HPSE2: variants seen among roughly 807,000 people sequenced by gnomAD.
HPSE2 encodes inactive heparanase-2.
HPSE2 carries 38 observed loss-of-function variants against 60.5 expected under a neutral mutation model. The ratio of observed to expected loss-of-function variants is 0.63; its 90% CI spans 0.48 to 0.82. The LOEUF (loss-of-function observed/expected upper bound fraction) is 0.82. Among genes scored for constraint, HPSE2 ranks in the 40% least tolerant of loss-of-function variants. The probability of loss-of-function intolerance (pLI) is 0.00; values close to 1 mark genes in which losing one functional copy is unlikely to be tolerated. For missense variants in HPSE2, 713 were observed against 740.4 expected (o/e 0.96, Z 0.43); for synonymous variants, 295 against 293.2 (o/e 1.01, Z -0.06).
intron 3 of HPSE2, among the ~76,000 whole-genome samples, chr10:98,775,324 G>A (rs1194927176): frequency 6.6e-6 from 1 of 152,168 alleles, no homozygotes; most frequent in Non-Finnish European, 1.5e-5. Context: ...ACCAAGTAAT[G>A]ATGGAGGAGG....
chr10:99,190,007 T>C (rs1028302087), intron 2 of HPSE2, among the ~76,000 whole-genome samples: 2 of 152,294 alleles, frequency 1.3e-5, no homozygotes, highest in South Asian at 4.1e-4. Flanking sequence ...TTAATGAATC[T>C]CCACTGTCTT....
chr10:99,169,861 T>C (rs1181401535), intron 2 of HPSE2, among the ~76,000 whole-genome samples: 1 of 152,190 alleles, frequency 6.6e-6, no homozygotes, highest in Non-Finnish European at 1.5e-5. Flanking sequence ...TTGTGGGTCA[T>C]ACAATCTCTT....
chr10:98,728,654 T>C (rs1343435273), intron 4 of HPSE2, among the ~76,000 whole-genome samples: 1 of 152,036 alleles, frequency 6.6e-6, no homozygotes, highest in Admixed American at 6.6e-5. Flanking sequence ...ATTAAGTTAG[T>C]ATTACTTGAA....
At chr10:98,934,592 T>C (rs1398345096) in intron 3 of HPSE2, among the ~76,000 whole-genome samples, 1 of 144,430 alleles carries the variant, frequency 6.9e-6, no homozygotes, top group Non-Finnish European at 1.5e-5. Context: ...TTTAACAATG[T>C]TGAACATTGG....
At chr10:99,085,358 C>A (rs1275185016) in intron 3 of HPSE2, among the ~76,000 whole-genome samples, 3 of 152,214 alleles carry the variant, frequency 2.0e-5, no homozygotes, top group Non-Finnish European at 1.5e-5. Flanking sequence ...TGTCCCAGCA[C>A]CATAGTGTGC....
Position 99,165,428 on chromosome 10 carries a change from C to T in HPSE2, c.449-21029G>A, listed in dbSNP as rs996430083. On this transcript the variant is annotated intron_variant, in intron 2 of 11. Transcript: ENST00000370552. Reference sequence around the variant, plus strand: ...CAGATCTGTAGTCTGCCTTACGTTCCCCCAATATCCTGGTTGTTTCTTAAA... The same window carrying T: ...CAGATCTGTAGTCTGCCTTACGTTCTCCCAATATCCTGGTTGTTTCTTAAA... Among the ~76,000 whole-genome samples the T allele has an allele frequency of 6.6e-5, 10 of 152,192 alleles. No individual in the cohort carries two copies. In the South Asian group the frequency reaches 2.1e-3, roughly 32 times the overall value.
chr10:99,124,569 G>C (rs938981660), intron 3 of HPSE2, among the ~76,000 whole-genome samples: 3 of 152,204 alleles, frequency 2.0e-5, no homozygotes, highest in Non-Finnish European at 1.5e-5. Flanking sequence ...TCCAGAGGGG[G>C]CCAAGGCAGC....
rs778121647 is a variant in HPSE2 at position 99,235,745 on chromosome 10, CG to C, written c.57del (p.Ala20ArgfsTer3). 7 of 1,613,422 alleles carry C rather than the reference CG, an allele frequency of 4.3e-6. No homozygotes were observed. Among genetic ancestry groups the C allele is most frequent in the African/African-American group, 2.7e-5 (2 of 74,800 alleles). ...EAMPSSNSRP[P>X]ACLAPGALYL... ...TAGAGAGCCCCCGGGGCTAGGCACG[CG>C]GGGGGGCGGGAGTTGCTGGAGGGCA... On this transcript the variant is annotated frameshift_variant, in exon 1 of 12. Transcript: ENST00000370552. LOFTEE classifies it high-confidence loss of function.
At chr10:98,761,817 C>T (rs1950010526) in intron 3 of HPSE2, among the ~76,000 whole-genome samples, 1 of 152,088 alleles carries the variant, frequency 6.6e-6, no homozygotes, top group Non-Finnish European at 1.5e-5. Context: ...CTTCCTTTAC[C>T]TCCAGTCTTT....
chr10:99,208,704 A>T (rs1045004633), intron 2 of HPSE2, among the ~76,000 whole-genome samples: 12 of 152,126 alleles, frequency 7.9e-5, no homozygotes, highest in Non-Finnish European at 1.6e-4. Context: ...AAATAAAAAA[A>T]AAAAGACATA....
intron 3 of HPSE2, among the ~76,000 whole-genome samples, chr10:98,906,225 G>A (rs540450077): frequency 6.6e-6 from 1 of 152,212 alleles, no homozygotes; most frequent in African/African-American, 2.4e-5. Context: ...TGTTGATTCT[G>A]AAGAACAATT....
At chr10:99,154,124 G>A (rs1216625566) in intron 2 of HPSE2, among the ~76,000 whole-genome samples, 47 of 146,758 alleles carry the variant, frequency 3.2e-4, no homozygotes, top group African/African-American at 1.1e-3. Context: ...ATCTACGTCT[G>A]ATTGGTGTAC....
At chr10:99,001,153 T>C (rs900355341) in intron 3 of HPSE2, among the ~76,000 whole-genome samples, 2 of 152,094 alleles carry the variant, frequency 1.3e-5, no homozygotes, top group African/African-American at 4.8e-5. Context: ...CATTAGAAAA[T>C]GATGATGATG....
At chr10:99,100,689 G>A (rs1843931072) in intron 3 of HPSE2, among the ~76,000 whole-genome samples, 1 of 152,106 alleles carries the variant, frequency 6.6e-6, no homozygotes, top group South Asian at 2.1e-4. Context: ...ACACATAATT[G>A]TCAGATTCAC....
Position 98,487,858 on chromosome 10 carries a change from T to C in HPSE2, c.1466+2193A>G, listed in dbSNP as rs181466079. On this transcript the variant is annotated intron_variant, in intron 10 of 11. Transcript: ENST00000370552. ...ATGATTTCTCAGAGAGGTGAACAGA[T>C]ACTTCTTCTACCTTTGAGCTGCCCT... 1.2e-4 allele frequency among the ~76,000 whole-genome samples: 19 copies of C among 152,372 alleles called. No homozygotes were observed. In the East Asian group the frequency reaches 3.5e-3, roughly 28 times the overall value.
chr10:98,911,333 T>C (rs1000231269), intron 3 of HPSE2, among the ~76,000 whole-genome samples: 3 of 152,104 alleles, frequency 2.0e-5, no homozygotes, highest in African/African-American at 4.8e-5. Context: ...TGAGGGGGAA[T>C]AGATACATAA....
Position 98,583,248 on chromosome 10 carries a change from C to T in HPSE2, c.1320+31656G>A, listed in dbSNP as rs191113299. On this transcript the variant is annotated intron_variant, in intron 9 of 11. Coordinates refer to ENST00000370552, the MANE Select transcript of HPSE2 (RefSeq NM_021828.5). ...ACTTCATCCTCTTCATTTACATAGGCGTACACCAATTAACCAGTGGGAAAC... is the reference window on the plus strand; with the variant it reads ...ACTTCATCCTCTTCATTTACATAGGTGTACACCAATTAACCAGTGGGAAAC... Among the ~76,000 whole-genome samples, 648 of 152,322 alleles carry T rather than the reference C, an allele frequency of 4.3e-3. 3 individuals carry two copies. Among genetic ancestry groups the T allele is most frequent in the African/African-American group, 0.015 (624 of 41,560 alleles).
rs1392347399 is a variant in HPSE2 at position 98,478,918 on chromosome 10, A to AG, written c.1613+3717dup. 5.9e-5 allele frequency among the ~76,000 whole-genome samples: 9 copies of AG among 152,274 alleles called. No homozygotes were observed. The East Asian group carries it at 1.7e-3, about 29-fold the overall frequency. On this transcript the variant is annotated intron_variant, in intron 11 of 11. Transcript: ENST00000370552. ...TTATATAAGGAGTTGGGACTGGAGT[A>AG]GGGGGGTCTTACGATTGGTTCATTC...
intron 4 of HPSE2, 112 bp downstream of exon 4, chr10:98,743,771 A>C: frequency 2.0e-6 from 2 of 995,892 alleles, no homozygotes; most frequent in Non-Finnish European, 3.2e-6. Context: ...CAAACATCAC[A>C]AACGTTTTCT....
Sources: allele counts gnomAD v4.1 joint callset (sites outside exome capture counted in the v4.1 genomes callset), GRCh38; gene constraint gnomAD v4.1.1; transcripts MANE v1.5; gene names NCBI Gene and HGNC (gene_info 2026-07-23, HGNC 2026-07-21).